WDR89: variants seen among roughly 807,000 people sequenced by gnomAD.
The protein encoded by WDR89 is WD repeat domain 89, also known as WD repeat-containing protein 89.
In WDR89, 17 loss-of-function variants were observed where a neutral mutation model predicts 29.1. That is an observed-to-expected ratio of 0.58 (90% CI 0.40 to 0.88). WDR89 has a LOEUF of 0.88. Ranked by LOEUF, WDR89 falls within the 40% of genes least tolerant of loss-of-function variation. The pLI, the probability that WDR89 is intolerant of heterozygous loss-of-function variation, is 0.00. For synonymous variants in WDR89, 138 were observed against 157.8 expected, an observed-to-expected ratio of 0.87 and a Z score of 0.94; for missense variants, 396 against 456.3, an observed-to-expected ratio of 0.87 and a Z score of 1.20.
intron 1 of WDR89, among the ~76,000 whole-genome samples, chr14:63,628,425 A>T (rs550628120): frequency 2.6e-5 from 4 of 152,328 alleles, no homozygotes; most frequent in Non-Finnish European, 5.9e-5. Context: ...AGCTATAAAG[A>T]AATATATAAC....
intron 1 of WDR89, among the ~76,000 whole-genome samples, chr14:63,639,977 C>T (rs1883997432): frequency 6.6e-6 from 1 of 152,182 alleles, no homozygotes; most frequent in Admixed American, 6.5e-5. Context: ...CCTGTATTTA[C>T]AAAGTGAGAG....
intron 1 of WDR89, among the ~76,000 whole-genome samples, chr14:63,631,509 G>A (rs753614896): frequency 1.3e-5 from 2 of 151,628 alleles, no homozygotes; most frequent in Non-Finnish European, 2.9e-5. Flanking sequence ...GAAAATACAG[G>A]TGCACACAAC....
chr14:63,603,903 A>T (rs1895194909), intron 2 of WDR89, among the ~76,000 whole-genome samples: 1 of 152,222 alleles, frequency 6.6e-6, no homozygotes, highest in Non-Finnish European at 1.5e-5. Flanking sequence ...CCCGCCAGAC[A>T]AAATAGCCTT....
intron 1 of WDR89, among the ~76,000 whole-genome samples, chr14:63,628,361 T>C (rs959687864): frequency 1.3e-5 from 2 of 152,240 alleles, no homozygotes; most frequent in South Asian, 4.1e-4. Flanking sequence ...TCTAACAGTT[T>C]TACTGAGTTG....
At chr14:63,631,387 CAG>C (rs1158089784) in intron 1 of WDR89, among the ~76,000 whole-genome samples, 5 of 152,092 alleles carry the variant, frequency 3.3e-5, no homozygotes, top group East Asian at 1.9e-4. Flanking sequence ...TTTATTTGCA[CAG>C]AGTCTTAACT....
chr14:63,611,599 A>G (rs1881993275), intron 2 of WDR89, among the ~76,000 whole-genome samples: 1 of 152,070 alleles, frequency 6.6e-6, no homozygotes, highest in African/African-American at 2.4e-5. Context: ...TAGTTTTGAC[A>G]AATGTTCCAT....
intron 2 of WDR89, among the ~76,000 whole-genome samples, chr14:63,620,741 T>TA (rs1882643880): frequency 6.6e-6 from 1 of 151,218 alleles, no homozygotes; most frequent in Non-Finnish European, 1.5e-5. Context: ...AAAATAAAAA[T>TA]AAAAAAATTA....
At position 63,622,553 on chromosome 14, in the gene WDR89, C is replaced by G. The variant is rs146273391; in HGVS notation, c.-32+2375G>C. Among the ~76,000 whole-genome samples, 1,385 of 152,202 alleles carry G rather than the reference C, an allele frequency of 9.1e-3. 15 individuals are homozygous for G. Among genetic ancestry groups the G allele is most frequent in the African/African-American group, 0.032 (1,328 of 41,516 alleles). ...CCGAGACCATGCCATTGCACTCCAG[C>G]CTGGGCAACAGAGCGAGACTTCATC... On this transcript the variant is annotated intron_variant, in intron 2 of 2. Transcript: ENST00000620954.
intron 2 of WDR89, among the ~76,000 whole-genome samples, chr14:63,622,562 CAG>C (rs1882769833): frequency 6.6e-6 from 1 of 152,086 alleles, no homozygotes; most frequent in Admixed American, 6.5e-5. Context: ...GCCTGGGCAA[CAG>C]AGCGAGACTT....
At chr14:63,625,651 C>T (rs1360777447) in intron 1 of WDR89, among the ~76,000 whole-genome samples, 11 of 152,072 alleles carry the variant, frequency 7.2e-5, no homozygotes, top group South Asian at 4.2e-4. Flanking sequence ...GTGCTGGTAC[C>T]GATTTGAGTG....
In WDR89 at chr14:63,601,958, T is replaced by C. The variant is rs993959260; in HGVS notation, c.-31-1985A>G. ...GAAAAAAATAAAATAAATTCTTCTA[T>C]TGTGCTTTCTCATCAGTGAATATTC... On this transcript the variant is annotated intron_variant, in intron 2 of 2. Coordinates refer to ENST00000620954, the MANE Select transcript of WDR89 (RefSeq NM_080666.4). 5 of 412,652 alleles carry C rather than the reference T, an allele frequency of 1.2e-5. No individual in the cohort carries two copies. The Admixed American group carries it at 1.5e-4, about 13-fold the overall frequency. The allele number at this position is 412,652 out of a possible 1,614,324, so 25.6% of individuals were successfully genotyped here.
chr14:63,640,267 G>C (rs1884015534), intron 1 of WDR89, among the ~76,000 whole-genome samples: 1 of 152,154 alleles, frequency 6.6e-6, no homozygotes, highest in Non-Finnish European at 1.5e-5. Flanking sequence ...AAACAGTCAC[G>C]TGGCTTTCAT....
intron 2 of WDR89, among the ~76,000 whole-genome samples, chr14:63,620,310 A>G (rs1461107297): frequency 6.6e-5 from 10 of 152,208 alleles, no homozygotes; most frequent in Non-Finnish European, 1.5e-4. Context: ...GCAGGACATT[A>G]TATTATAAAC....
At chr14:63,628,357 A>G (rs1287708125) in intron 1 of WDR89, among the ~76,000 whole-genome samples, 2 of 152,264 alleles carry the variant, frequency 1.3e-5, no homozygotes, top group African/African-American at 4.8e-5. Context: ...TTGTTCTAAC[A>G]GTTTTACTGA....
chr14:63,597,980 G>A lies in WDR89; in HGVS notation c.*799C>T, dbSNP rs1313379847. The A allele has an allele frequency of 6.6e-6, 1 of 152,248 alleles. No individual in the cohort carries two copies. The highest frequency in any genetic ancestry group is 2.4e-5 in the African/African-American group (1 of 41,456). The allele number at this position is 152,248 out of a possible 1,614,324, so 9.4% of individuals were successfully genotyped here. A position where few individuals can be genotyped will look rare whatever the true frequency, so the allele number is the denominator to read the frequency against. On this transcript the variant is annotated 3_prime_UTR_variant, in exon 3 of 3. Coordinates refer to ENST00000620954, the MANE Select transcript of WDR89 (RefSeq NM_080666.4). ...CAAAAGGATAGCTGACAGACGTTAG[G>A]AGGTGAAATGGCACAGGACTTGGTG...
chr14:63,604,477 A>G (rs1895219894), intron 2 of WDR89, among the ~76,000 whole-genome samples: 1 of 146,954 alleles, frequency 6.8e-6, no homozygotes, highest in Non-Finnish European at 1.5e-5. Flanking sequence ...ACAAAGGTGT[A>G]GAAAAAAATA....
chr14:63,640,459 T>C (rs1884033054), intron 1 of WDR89, among the ~76,000 whole-genome samples: 1 of 152,036 alleles, frequency 6.6e-6, no homozygotes, highest in Non-Finnish European at 1.5e-5. Flanking sequence ...AACAATCGAT[T>C]AATTCACTTC....
At chr14:63,631,166 A>C (rs922408048) in intron 1 of WDR89, among the ~76,000 whole-genome samples, 2 of 152,170 alleles carry the variant, frequency 1.3e-5, no homozygotes, top group Non-Finnish European at 2.9e-5. Context: ...ACTTGATTTG[A>C]TCATTACACG....
Position 63,599,122 on chromosome 14 carries a change from A to G in WDR89, c.821T>C (p.Leu274Ser). 1 of 1,614,044 alleles carries G rather than the reference A, an allele frequency of 6.2e-7. No homozygotes were observed. The highest frequency in any genetic ancestry group is 8.5e-7 in the Non-Finnish European group (1 of 1,179,984). The stretch of plus-strand genomic sequence containing the variant: ...ATATAGGCCACCAATCAAATAGTCC[A>G]AAGCATCTTCTTTCATGTTAACTAC... ...REVVNMKEDA[L>S]DYLIGGLYHE... The change falls in exon 3 of 3, where the codon TTG becomes TCG. Residue 274 changes from leucine to serine, a missense_variant. Leu to Ser is a moderately radical substitution (Grantham distance 145). Transcript: ENST00000620954.
Sources: gnomAD v4.1 joint callset for allele counts (sites outside exome capture counted in the v4.1 genomes callset) on GRCh38, gnomAD v4.1.1 for gene constraint, MANE v1.5 for transcripts, NCBI Gene and HGNC (gene_info 2026-07-23, HGNC 2026-07-21) for gene names.